The following LRRTM3 variants were observed in gnomAD, a reference collection of about 807,000 sequenced individuals.
LRRTM3 encodes leucine-rich repeat transmembrane neuronal protein 3.
LRRTM3 carries 24 observed loss-of-function variants against 44.7 expected under a neutral mutation model. The observed-to-expected ratio is 0.54, with a 90% CI of 0.39 to 0.76. LRRTM3 has a LOEUF of 0.76. LRRTM3 is among the 30% of genes least tolerant of loss of function. The probability of loss-of-function intolerance (pLI) is 0.00; values close to 1 mark genes in which losing one functional copy is unlikely to be tolerated. For synonymous variants in LRRTM3, 277 were observed against 278.7 expected (o/e 0.99, Z 0.06); for missense variants, 587 against 702.2 (o/e 0.84, Z 1.85).
At chr10:67,020,174 T>G (rs1398272993) in intron 2 of LRRTM3, among the ~76,000 whole-genome samples, 2 of 152,274 alleles carry the variant, frequency 1.3e-5, no homozygotes, top group Non-Finnish European at 2.9e-5. Flanking sequence ...CATAGCTTAA[T>G]GAAATTAAAT....
intron 2 of LRRTM3, among the ~76,000 whole-genome samples, chr10:67,036,682 A>G (rs967314490): frequency 6.6e-6 from 1 of 152,042 alleles, no homozygotes; most frequent in African/African-American, 2.4e-5. Flanking sequence ...TTAAGAGTAT[A>G]CTTTTTAAAG....
intron 2 of LRRTM3, among the ~76,000 whole-genome samples, chr10:67,086,781 A>G (rs1157798974): frequency 6.6e-6 from 1 of 152,012 alleles, no homozygotes; most frequent in Admixed American, 6.6e-5. Context: ...AGTTGCTTCT[A>G]TAACAATTCC....
chr10:67,033,920 C>T (rs1853885465), intron 2 of LRRTM3, among the ~76,000 whole-genome samples: 1 of 152,034 alleles, frequency 6.6e-6, no homozygotes. Flanking sequence ...TACAGGCTTG[C>T]GCTACCACAC....
At chr10:67,021,480 T>G (rs182403484) in intron 2 of LRRTM3, among the ~76,000 whole-genome samples, 1 of 152,162 alleles carries the variant, frequency 6.6e-6, no homozygotes, top group African/African-American at 2.4e-5. Flanking sequence ...ACTGTCATGT[T>G]ATTTGTGACA....
intron 2 of LRRTM3, among the ~76,000 whole-genome samples, chr10:67,070,615 C>T (rs374707382): frequency 6.6e-6 from 1 of 152,028 alleles, no homozygotes; most frequent in African/African-American, 2.4e-5. Context: ...GGCATGGTGG[C>T]GTGTGCCTGT....
intron 2 of LRRTM3, among the ~76,000 whole-genome samples, chr10:66,960,182 T>G (rs1320234341): frequency 6.6e-6 from 1 of 152,168 alleles, no homozygotes; most frequent in Non-Finnish European, 1.5e-5. Flanking sequence ...ATAAAGTGAT[T>G]ATAATAAAAC....
At chr10:67,011,493 T>C (rs1156626650) in intron 2 of LRRTM3, among the ~76,000 whole-genome samples, 1 of 152,198 alleles carries the variant, frequency 6.6e-6, no homozygotes, top group South Asian at 2.1e-4. Context: ...CAGTGCTGCA[T>C]TGTCTTTCTG....
At chr10:67,095,371 T>C (rs1019391669) in intron 2 of LRRTM3, among the ~76,000 whole-genome samples, 6 of 151,786 alleles carry the variant, frequency 4.0e-5, no homozygotes, top group African/African-American at 1.2e-4. Flanking sequence ...TTAAACAGTA[T>C]AATCATGGCA....
chr10:67,058,268 A>G (rs1160753811), intron 2 of LRRTM3, among the ~76,000 whole-genome samples: 1 of 152,188 alleles, frequency 6.6e-6, no homozygotes, highest in Non-Finnish European at 1.5e-5. Flanking sequence ...TGCAGATACC[A>G]TATTTGGTCT....
intron 2 of LRRTM3, among the ~76,000 whole-genome samples, chr10:67,084,491 A>G (rs1857202666): frequency 6.6e-6 from 1 of 151,958 alleles, no homozygotes; most frequent in Non-Finnish European, 1.5e-5. Context: ...ATTCTACTCT[A>G]AATTTCATTC....
At chr10:66,957,618 T>C (rs1848894989) in intron 2 of LRRTM3, among the ~76,000 whole-genome samples, 1 of 151,676 alleles carries the variant, frequency 6.6e-6, no homozygotes, top group Non-Finnish European at 1.5e-5. Context: ...AGGAAACAGA[T>C]GATACACTCA....
rs1410617067 is a variant in LRRTM3 at position 67,099,728 on chromosome 10, T to C, written c.*1932T>C. On this transcript the variant is annotated 3_prime_UTR_variant, in exon 3 of 3. Transcript: ENST00000361320. ...AAACACAGTACTTGTGTCAACTATT[T>C]AGCATCCCAGATTTTGTAACATATT... The C allele has an allele frequency of 6.6e-6, 1 of 152,284 alleles. No individual in the cohort carries two copies. Among genetic ancestry groups the C allele is most frequent in the African/African-American group, 2.4e-5 (1 of 41,418 alleles). 9.4% of individuals were successfully genotyped at this position (152,284 alleles called of 1,614,324 possible). A position where few individuals can be genotyped will look rare whatever the true frequency, so the allele number is the denominator to read the frequency against.
chr10:67,038,822 A>G (rs1854222229), intron 2 of LRRTM3, among the ~76,000 whole-genome samples: 1 of 152,068 alleles, frequency 6.6e-6, no homozygotes, highest in Non-Finnish European at 1.5e-5. Flanking sequence ...TTTAAAAGTA[A>G]ATGCATAAAA....
chr10:67,053,806 T>C (rs1408941624), intron 2 of LRRTM3, among the ~76,000 whole-genome samples: 1 of 152,200 alleles, frequency 6.6e-6, no homozygotes, highest in East Asian at 1.9e-4. Context: ...CCCATTGAGA[T>C]TAATCTTTTG....
intron 2 of LRRTM3, among the ~76,000 whole-genome samples, chr10:66,988,385 T>C (rs1850852006): frequency 6.6e-6 from 1 of 152,160 alleles, no homozygotes; most frequent in Non-Finnish European, 1.5e-5. Context: ...TTTAAGCCAA[T>C]ACAATGATTT....
At chr10:67,063,943 C>T (rs1200758739) in intron 2 of LRRTM3, among the ~76,000 whole-genome samples, 1 of 152,172 alleles carries the variant, frequency 6.6e-6, no homozygotes. Context: ...TCTGCACACA[C>T]ACTCGTCAGC....
intron 2 of LRRTM3, among the ~76,000 whole-genome samples, chr10:66,955,909 C>T (rs1196331845): frequency 6.6e-6 from 1 of 152,134 alleles, no homozygotes; most frequent in South Asian, 2.1e-4. Flanking sequence ...AGTGACGCTA[C>T]AACATGGCAT....
At chr10:67,050,260 C>T (rs985566848) in intron 2 of LRRTM3, among the ~76,000 whole-genome samples, 34 of 152,310 alleles carry the variant, frequency 2.2e-4, no homozygotes, top group African/African-American at 8.2e-4. Context: ...CACACAGTAA[C>T]TGATTTGTCA....
chr10:66,986,859 T>C (rs1360659285), intron 2 of LRRTM3, among the ~76,000 whole-genome samples: 3 of 152,154 alleles, frequency 2.0e-5, no homozygotes, highest in Admixed American at 2.0e-4. Flanking sequence ...ACACCTACTA[T>C]GGGATTACAC....
Sources: allele counts gnomAD v4.1 joint callset (sites outside exome capture counted in the v4.1 genomes callset), GRCh38; gene constraint gnomAD v4.1.1; transcripts MANE v1.5; gene names NCBI Gene and HGNC (gene_info 2026-07-23, HGNC 2026-07-21).